The following ADCK1 variants were observed in gnomAD, a reference collection of about 807,000 sequenced individuals.
ADCK1 encodes the protein aarF domain-containing protein kinase 1.
ADCK1 carries 41 observed loss-of-function variants against 52.3 expected under a neutral mutation model. The observed-to-expected ratio is 0.78, with a 90% CI of 0.61 to 1.02. ADCK1 has a LOEUF of 1.02. Among genes scored for constraint, ADCK1 ranks in the 50% least tolerant of loss-of-function variants. The probability of loss-of-function intolerance (pLI) is 0.00; values close to 1 mark genes in which losing one functional copy is unlikely to be tolerated. For missense variants in ADCK1, 658 were observed against 679.5 expected, an observed-to-expected ratio of 0.97 and a Z score of 0.35; for synonymous variants, 250 against 274.6, an observed-to-expected ratio of 0.91 and a Z score of 0.89.
chr14:77,922,252 C>T (rs1332575572), intron 7 of ADCK1, among the ~76,000 whole-genome samples: 1 of 152,086 alleles, frequency 6.6e-6, no homozygotes, highest in African/African-American at 2.4e-5. Flanking sequence ...CAGTGGTGGC[C>T]CTGGGGCATC....
intron 3 of ADCK1, among the ~76,000 whole-genome samples, chr14:77,825,638 AG>A (rs1038076289): frequency 5.1e-5 from 7 of 137,630 alleles, no homozygotes; most frequent in African/African-American, 1.5e-4. Context: ...ATGAAATGTT[AG>A]GTTTTTTTTT....
At chr14:77,906,256 A>C (rs574424672) in intron 6 of ADCK1, among the ~76,000 whole-genome samples, 27 of 152,092 alleles carry the variant, frequency 1.8e-4, no homozygotes, top group Non-Finnish European at 3.4e-4. Flanking sequence ...GGAAAATCTT[A>C]CTCTCCAAAA....
chr14:77,849,932 A>G (rs1408054769), intron 3 of ADCK1, among the ~76,000 whole-genome samples: 1 of 152,130 alleles, frequency 6.6e-6, no homozygotes, highest in Non-Finnish European at 1.5e-5. Context: ...CCATAATCCC[A>G]GTGCTTTGGA....
At chr14:77,907,297 G>A (rs1386202282) in intron 6 of ADCK1, among the ~76,000 whole-genome samples, 4 of 152,184 alleles carry the variant, frequency 2.6e-5, no homozygotes, top group Non-Finnish European at 5.9e-5. Flanking sequence ...TCTGCCCCAG[G>A]AAACGTGTTT....
chr14:77,859,406 A>C, intron 4 of ADCK1, 127 bp downstream of exon 4: 1 of 899,040 alleles, frequency 1.1e-6, no homozygotes, highest in Non-Finnish European at 1.7e-6. Flanking sequence ...TGTCACAGCC[A>C]CTCTCAGTGC....
At chr14:77,888,097 TA>T (rs2083200768) in intron 5 of ADCK1, among the ~76,000 whole-genome samples, 1 of 152,172 alleles carries the variant, frequency 6.6e-6, no homozygotes, top group African/African-American at 2.4e-5. Flanking sequence ...GACAGGCGTG[TA>T]AACAGTCACA....
At chr14:77,920,164 G>A (rs2084016896) in intron 7 of ADCK1, among the ~76,000 whole-genome samples, 1 of 152,132 alleles carries the variant, frequency 6.6e-6, no homozygotes. Flanking sequence ...TCTTGGTAAT[G>A]AAATCTTTGC....
rs138174488 is a variant in ADCK1, at chr14:77,831,327, G to A, written c.219+8809G>A. The stretch of plus-strand genomic sequence containing the variant: ...AAGGAGTGGGACAGAGAGGTCAGGA[G>A]TGTTATGCATACTAGGGCTCCCTCC... On this transcript the variant is annotated intron_variant, in intron 3 of 10. Transcript: ENST00000238561. Among the ~76,000 whole-genome samples, 18 of 152,312 alleles carry A rather than the reference G, an allele frequency of 1.2e-4. No individual in the cohort carries two copies. In the East Asian group the frequency reaches 3.5e-3, roughly 29 times the overall value.
intron 2 of ADCK1, 152 bp downstream of exon 2, chr14:77,819,265 T>TCCATATGTGTAC: frequency 1.6e-5 from 17 of 1,055,628 alleles, no homozygotes; most frequent in Non-Finnish European, 2.2e-5. Flanking sequence ...GGTGTACACA[T>TCCATATGTGTAC]ATGGATGTGT....
At chr14:77,825,202 C>T (rs1347622608) in intron 3 of ADCK1, among the ~76,000 whole-genome samples, 1 of 152,060 alleles carries the variant, frequency 6.6e-6, no homozygotes, top group African/African-American at 2.4e-5. Flanking sequence ...GGGATTGAGT[C>T]TTTGATTTTT....
intron 1 of ADCK1, among the ~76,000 whole-genome samples, chr14:77,801,918 G>T (rs888604529): frequency 2.0e-5 from 3 of 152,098 alleles, no homozygotes; most frequent in Non-Finnish European, 4.4e-5. Context: ...TCCAGCCTGG[G>T]CGACTGAGCA....
chr14:77,819,873 T>C (rs1443252009), intron 2 of ADCK1, among the ~76,000 whole-genome samples: 3 of 152,194 alleles, frequency 2.0e-5, no homozygotes, highest in African/African-American at 7.2e-5. Flanking sequence ...TCTATTGTGG[T>C]TGTCATCTCA....
intron 9 of ADCK1, among the ~76,000 whole-genome samples, chr14:77,926,564 T>C (rs1049210037): frequency 6.6e-6 from 1 of 152,198 alleles, no homozygotes; most frequent in African/African-American, 2.4e-5. Flanking sequence ...CACTGCAACC[T>C]CTGCCTCCGG....
intron 7 of ADCK1, among the ~76,000 whole-genome samples, chr14:77,912,867 C>T (rs2083827680): frequency 6.6e-6 from 1 of 152,176 alleles, no homozygotes; most frequent in South Asian, 2.1e-4. Context: ...GCCCAATAGA[C>T]TTGGATAGGG....
chr14:77,926,012 T>TA, intron 9 of ADCK1, 51 bp downstream of exon 9: 2 of 1,607,078 alleles, frequency 1.2e-6, no homozygotes, highest in Non-Finnish European at 1.7e-6. Context: ...AAGGCAGGGC[T>TA]AGAGGTGGCC....
At chr14:77,840,464 C>T (rs1023813080) in intron 3 of ADCK1, among the ~76,000 whole-genome samples, 1 of 152,114 alleles carries the variant, frequency 6.6e-6, no homozygotes, top group African/African-American at 2.4e-5. Context: ...CTCTCTTCTG[C>T]CTTTCTCTGC....
chr14:77,933,454 C>T lies in ADCK1; in HGVS notation c.*63C>T. On this transcript the variant is annotated 3_prime_UTR_variant, in exon 11 of 11. Coordinates refer to ENST00000238561, the MANE Select transcript of ADCK1 (RefSeq NM_020421.4). Reference sequence around the variant, plus strand: ...CACTCCTCAGCCCCTCATCTTGCCTCCACCCAGCTGCTCCATTTTTGCCAC... The same window carrying T: ...CACTCCTCAGCCCCTCATCTTGCCTTCACCCAGCTGCTCCATTTTTGCCAC... The T allele has an allele frequency of 6.3e-7, 1 of 1,590,678 alleles. No homozygotes were observed. Among genetic ancestry groups the T allele is most frequent in the African/African-American group, 1.3e-5 (1 of 74,500 alleles).
chr14:77,859,146 G>A lies in ADCK1; in HGVS notation c.290G>A (p.Gly97Asp). 1 of 1,613,720 alleles carries A rather than the reference G, an allele frequency of 6.2e-7. No individual in the cohort carries two copies. Among genetic ancestry groups the A allele is most frequent in the Non-Finnish European group, 8.5e-7 (1 of 1,179,964 alleles). Residue 97 changes from glycine (G) to aspartate (D), a missense_variant, in exon 4 of 11, where the codon GGC becomes GAC. Coordinates refer to ENST00000238561, the MANE Select transcript of ADCK1 (RefSeq NM_020421.4). ...AACCGGGGCACCTTCATCAAGGTGG[G>A]CCAGCACCTGGGGGCTCTGGACTAC... ...CANRGTFIKV[G>D]QHLGALDYLL...
intron 4 of ADCK1, among the ~76,000 whole-genome samples, chr14:77,869,227 T>C (rs1328362583): frequency 6.6e-6 from 1 of 152,198 alleles, no homozygotes; most frequent in African/African-American, 2.4e-5. Context: ...CTCACAGTTC[T>C]GGAGGCCAGA....
Sources: gnomAD v4.1 joint callset for allele counts (sites outside exome capture counted in the v4.1 genomes callset) on GRCh38, gnomAD v4.1.1 for gene constraint, MANE v1.5 for transcripts, NCBI Gene and HGNC (gene_info 2026-07-23, HGNC 2026-07-21) for gene names.